RAB1A: variants seen among roughly 807,000 people sequenced by gnomAD.
RAB1A encodes ras-related protein Rab-1A.
Under a neutral mutation model 26.0 loss-of-function variants are expected in RAB1A, and 2 were observed. The ratio of observed to expected loss-of-function variants is 0.08; its 90% CI spans 0.03 to 0.24. The LOEUF (loss-of-function observed/expected upper bound fraction) is 0.24. Among genes scored for constraint, RAB1A ranks in the 10% least tolerant of loss-of-function variants. The pLI is 1.00. For synonymous variants in RAB1A, 84 were observed against 84.9 expected, an observed-to-expected ratio of 0.99 and a Z score of 0.06; for missense variants, 100 against 247.0, an observed-to-expected ratio of 0.40 and a Z score of 3.99.
chr2:65,093,341 T>C (rs182415987), intron 3 of RAB1A, among the ~76,000 whole-genome samples: 243 of 152,314 alleles, frequency 1.6e-3, no homozygotes, highest in Middle Eastern at 3.4e-3. Flanking sequence ...TGGTGTAATG[T>C]AGACATTTTC....
chr2:65,106,889 A>G (rs1301180873), intron 1 of RAB1A, among the ~76,000 whole-genome samples: 2 of 151,686 alleles, frequency 1.3e-5, no homozygotes, highest in East Asian at 1.9e-4. Flanking sequence ...TCTTTTTTTG[A>G]GACAGAGTCT....
At chr2:65,127,470 G>A (rs1670125325) in intron 1 of RAB1A, among the ~76,000 whole-genome samples, 2 of 152,174 alleles carry the variant, frequency 1.3e-5, no homozygotes, top group African/African-American at 4.8e-5. Context: ...GGTGGCTCAC[G>A]CCTGTAATCC....
intron 1 of RAB1A, among the ~76,000 whole-genome samples, chr2:65,128,473 T>G (rs371297977): frequency 3.9e-5 from 6 of 152,196 alleles, no homozygotes; most frequent in African/African-American, 1.4e-4. Context: ...AAAAAAATTT[T>G]TTTTAAACTG....
chr2:65,093,560 T>G (rs190357348), intron 3 of RAB1A, among the ~76,000 whole-genome samples: 1 of 151,422 alleles, frequency 6.6e-6, no homozygotes, highest in Non-Finnish European at 1.5e-5. Context: ...CCTAGAAAAC[T>G]TGAAGGATTA....
At chr2:65,117,570 CTT>C (rs374625066) in intron 1 of RAB1A, among the ~76,000 whole-genome samples, 1 of 151,800 alleles carries the variant, frequency 6.6e-6, no homozygotes, top group Non-Finnish European at 1.5e-5. Context: ...ATTTTAAATT[CTT>C]TTTTTTGTGT....
intron 1 of RAB1A, among the ~76,000 whole-genome samples, chr2:65,108,155 A>G (rs1669606703): frequency 6.6e-6 from 1 of 151,962 alleles, no homozygotes; most frequent in African/African-American, 2.4e-5. Flanking sequence ...TGAGTTCAGG[A>G]GTTCGAGACC....
At chr2:65,116,100 T>C (rs564550561) in intron 1 of RAB1A, among the ~76,000 whole-genome samples, 66 of 152,176 alleles carry the variant, frequency 4.3e-4, no homozygotes, top group African/African-American at 1.5e-3. Context: ...GAGGTTGCAG[T>C]GAGCTGATAT....
chr2:65,092,880 T>C (rs1439686348), intron 3 of RAB1A, among the ~76,000 whole-genome samples: 1 of 152,154 alleles, frequency 6.6e-6, no homozygotes, highest in African/African-American at 2.4e-5. Context: ...ATTCAAGTGA[T>C]AGTGAATGAA....
chr2:65,129,814 G>C, intron 1 of RAB1A, 79 bp downstream of exon 1: 1 of 1,549,498 alleles, frequency 6.5e-7, no homozygotes, highest in Non-Finnish European at 8.7e-7. Flanking sequence ...CCCGACTTCT[G>C]CCCCAACCCT....
chr2:65,089,272 G>A (rs1446079449), intron 4 of RAB1A, among the ~76,000 whole-genome samples: 1 of 152,086 alleles, frequency 6.6e-6, no homozygotes, highest in Non-Finnish European at 1.5e-5. Flanking sequence ...GAGTGCAGTG[G>A]CACAATCACA....
At chr2:65,091,760 A>G (rs958324679) in intron 3 of RAB1A, among the ~76,000 whole-genome samples, 1 of 152,202 alleles carries the variant, frequency 6.6e-6, no homozygotes, top group African/African-American at 2.4e-5. Flanking sequence ...CCTGGACTCA[A>G]GCAATTATCC....
intron 1 of RAB1A, among the ~76,000 whole-genome samples, chr2:65,110,188 T>TC (rs1199124815): frequency 3.9e-5 from 6 of 152,170 alleles, no homozygotes; most frequent in African/African-American, 1.4e-4. Flanking sequence ...ACGCCTGTAA[T>TC]CCCAGCACTT....
At chr2:65,125,911 G>A in intron 1 of RAB1A, among the ~76,000 whole-genome samples, 1 of 93,668 alleles carries the variant, frequency 1.1e-5, no homozygotes, top group South Asian at 3.5e-4. Context: ...TTGCTCTGTT[G>A]CCCAGGCTGG....
chr2:65,088,325 G>A lies in RAB1A; in HGVS notation c.*168C>T. On this transcript the variant is annotated 3_prime_UTR_variant, in exon 6 of 6. Transcript: ENST00000409784. The stretch of plus-strand genomic sequence containing the variant: ...AATGAAGTTAGCTGTCTTGAGTCAA[G>A]GGAATAAAAAAAAAGTCAGTATTGA... 1.8e-6 allele frequency: 1 copy of A among 562,240 alleles called. No individual in the cohort carries two copies. Among genetic ancestry groups the A allele is most frequent in the African/African-American group, 1.9e-5 (1 of 52,292 alleles). The allele number at this position is 562,240 out of a possible 1,614,324, so 34.8% of individuals were successfully genotyped here.
intron 1 of RAB1A, among the ~76,000 whole-genome samples, chr2:65,127,544 T>C (rs1670126718): frequency 6.6e-6 from 1 of 152,008 alleles, no homozygotes; most frequent in South Asian, 2.1e-4. Context: ...CTGACCAACA[T>C]GGAGAAACCC....
At chr2:65,122,978 A>T (rs1458749408) in intron 1 of RAB1A, among the ~76,000 whole-genome samples, 1 of 149,126 alleles carries the variant, frequency 6.7e-6, no homozygotes, top group Non-Finnish European at 1.5e-5. Context: ...CTCAGACAAA[A>T]AAAAAAAAAA....
rs1553392775 is a variant in RAB1A, at chr2:65,103,304, A to AAAAACAAACAAACAAAC, written c.96+1429_96+1430insGTTTGTTTGTTTGTTTT. On this transcript the variant is annotated intron_variant, in intron 2 of 5. Transcript: ENST00000409784. ...AACACAGCCAGAATCTGTCTCAAAAAAAAAAAAAAACATTGTTTTATGTGA... is the reference window on the plus strand; with the variant it reads ...AACACAGCCAGAATCTGTCTCAAAAAAAAACAAACAAACAAACAAAAAAAAAACATTGTTTTATGTGA... Among the ~76,000 whole-genome samples the AAAAACAAACAAACAAAC allele has an allele frequency of 2.0e-4, 22 of 112,502 alleles. 1 individual carries two copies. Among genetic ancestry groups the AAAAACAAACAAACAAAC allele is most frequent in the African/African-American group, 6.2e-4 (20 of 32,376 alleles). 73.8% of individuals were successfully genotyped at this position (112,502 alleles called of 152,430 possible).
intron 1 of RAB1A, among the ~76,000 whole-genome samples, chr2:65,105,240 C>T (rs1669525389): frequency 6.6e-6 from 1 of 152,090 alleles, no homozygotes; most frequent in South Asian, 2.1e-4. Context: ...CGCAGTGGCT[C>T]ACACCTGTAA....
At chr2:65,123,397 T>C (rs1042180041) in intron 1 of RAB1A, among the ~76,000 whole-genome samples, 1 of 151,976 alleles carries the variant, frequency 6.6e-6, no homozygotes, top group Non-Finnish European at 1.5e-5. Context: ...CTCGATCTCC[T>C]GACCTCGTGA....
Sources: gnomAD v4.1 joint callset for allele counts (sites outside exome capture counted in the v4.1 genomes callset) on GRCh38, gnomAD v4.1.1 for gene constraint, MANE v1.5 for transcripts, NCBI Gene and HGNC (gene_info 2026-07-23, HGNC 2026-07-21) for gene names.